Variants in SEPTIN5 observed in about 807,000 individuals in gnomAD.
The protein encoded by SEPTIN5 is septin 5, also known as septin-5.
In SEPTIN5, 16 loss-of-function variants were observed where a neutral mutation model predicts 51.2. The ratio of observed to expected loss-of-function variants is 0.31; its 90% confidence interval spans 0.21 to 0.47. The LOEUF is 0.47. Ranked by LOEUF, SEPTIN5 falls within the 20% of genes least tolerant of loss-of-function variation. The pLI, the probability that SEPTIN5 is intolerant of heterozygous loss-of-function variation, is 0.99. For synonymous variants in SEPTIN5, 208 were observed against 191.2 expected (o/e 1.09, Z -0.72); for missense variants, 376 against 500.3 (o/e 0.75, Z 2.37).
At chr22:19,717,700 C>T in intron 2 of SEPTIN5, 1 of 264,824 alleles carries the variant, frequency 3.8e-6, no homozygotes, top group Non-Finnish European at 7.5e-6. Context: ...GACAGGCAGG[C>T]TGGACTTCAG....
intron 8 of SEPTIN5, 21 bp from the exon 9 acceptor site, chr22:19,721,619 C>T (rs763474855): frequency 1.2e-6 from 2 of 1,612,160 alleles, no homozygotes; most frequent in African/African-American, 2.7e-5. Context: ...GGGTGTGAGC[C>T]TTTCTCCCTC....
intron 7 of SEPTIN5, 42 bp from the exon 8 acceptor site, chr22:19,720,726 A>G: frequency 6.2e-7 from 1 of 1,611,408 alleles, no homozygotes; most frequent in Non-Finnish European, 8.5e-7. Flanking sequence ...TACCAGGGGG[A>G]CTTGTCTGGC....
intron 11 of SEPTIN5, 37 bp downstream of exon 11, chr22:19,722,376 A>C (rs749553229): frequency 3.1e-6 from 5 of 1,595,464 alleles, no homozygotes; most frequent in Non-Finnish European, 4.3e-6. Flanking sequence ...GGCGGGCGTC[A>C]GGGATGCTCC....
Position 19,719,795 on chromosome 22 carries a change from C to T in SEPTIN5, c.152-11C>T. ...GACCTAACGCAGCTCCTTCTCTGTACCTGTGTGCAGGTGAGTCAGGCCTGG... is the reference window on the plus strand; with the variant it reads ...GACCTAACGCAGCTCCTTCTCTGTATCTGTGTGCAGGTGAGTCAGGCCTGG... On this transcript the variant is annotated splice_polypyrimidine_tract_variant and intron_variant, in intron 3 of 11. Transcript: ENST00000455784. 1 of 1,612,900 alleles carries T rather than the reference C, an allele frequency of 6.2e-7. No homozygotes were observed. Among genetic ancestry groups the T allele is most frequent in the East Asian group, 2.2e-5 (1 of 44,890 alleles).
intron 2 of SEPTIN5, chr22:19,717,114 G>A (rs1232562701): frequency 2.9e-6 from 1 of 341,696 alleles, no homozygotes; most frequent in Non-Finnish European, 5.7e-6. Context: ...CCCACAACAG[G>A]ACCAGGGCCT....
chr22:19,720,710 T>C, intron 7 of SEPTIN5, 44 bp downstream of exon 7: 1 of 1,612,028 alleles, frequency 6.2e-7, no homozygotes, highest in Non-Finnish European at 8.5e-7. Flanking sequence ...GCCCTGGGGC[T>C]GAGAGTACCA....
chr22:19,720,730 G>T, intron 7 of SEPTIN5, 38 bp from the exon 8 acceptor site: 3 of 1,612,342 alleles, frequency 1.9e-6, no homozygotes, highest in Non-Finnish European at 2.5e-6. Context: ...AGGGGGACTT[G>T]TCTGGCCTCA....
At chr22:19,719,384 G>A in intron 2 of SEPTIN5, 1 of 556,124 alleles carries the variant, frequency 1.8e-6, no homozygotes, top group Non-Finnish European at 3.2e-6. Flanking sequence ...AGCCCTCCCT[G>A]GGATTGGGGC....
At chr22:19,721,770 G>A (rs1211514672) in intron 9 of SEPTIN5, 34 bp downstream of exon 9, 1 of 1,600,948 alleles carries the variant, frequency 6.2e-7, no homozygotes, top group East Asian at 2.2e-5. Flanking sequence ...GGTCTGGTGG[G>A]GGAAGGCTGT....
chr22:19,722,154 G>A, intron 10 of SEPTIN5, 83 bp from the exon 11 acceptor site: 1 of 1,228,478 alleles, frequency 8.1e-7, no homozygotes, highest in South Asian at 1.5e-5. Flanking sequence ...CTCAGCAGTG[G>A]CGGGGATGGG....
Position 19,720,107 on chromosome 22 carries a change from C to A in SEPTIN5, c.239-8C>A. 1 of 1,612,974 alleles carries A rather than the reference C, an allele frequency of 6.2e-7. No homozygotes were observed. The highest frequency in any genetic ancestry group is 1.3e-5 in the African/African-American group (1 of 75,058). ...GGAGAGGCCCTTCCAGTGGCCCCTT[C>A]CCCGTAGAGCGCATCAGCCAGACGG... On this transcript the variant is annotated splice_region_variant and splice_polypyrimidine_tract_variant and intron_variant, in intron 4 of 11. Coordinates refer to ENST00000455784, the MANE Select transcript of SEPTIN5 (RefSeq NM_002688.6).
chr22:19,722,205 G>GCC, intron 10 of SEPTIN5, 32 bp from the exon 11 acceptor site: 1 of 1,390,378 alleles, frequency 7.2e-7, no homozygotes, highest in Non-Finnish European at 9.8e-7. Flanking sequence ...CGGTGGCGCC[G>GCC]CCCCGCCCAT....
chr22:19,720,539 C>G lies in SEPTIN5; in HGVS notation c.498-10C>G. Reference sequence around the variant, plus strand: ...CTGTGCCTATGCCCACCCTTGGCTGCTCTCGGCAGGCTGCGGCCAGTGGAT... The same window carrying G: ...CTGTGCCTATGCCCACCCTTGGCTGGTCTCGGCAGGCTGCGGCCAGTGGAT... On this transcript the variant is annotated splice_polypyrimidine_tract_variant and intron_variant, in intron 6 of 11. Coordinates refer to ENST00000455784, the MANE Select transcript of SEPTIN5 (RefSeq NM_002688.6). The G allele has an allele frequency of 6.2e-7, 1 of 1,613,300 alleles. No individual in the cohort carries two copies. Among genetic ancestry groups the G allele is most frequent in the Non-Finnish European group, 8.5e-7 (1 of 1,180,020 alleles).
Position 19,714,513 on chromosome 22 carries a change from C to CCGGCCT in SEPTIN5, c.-68_-63dup, listed in dbSNP as rs1157828414. 3.5e-4 allele frequency: 373 copies of CCGGCCT among 1,059,120 alleles called. 1 individual carries two copies. In the African/African-American group the frequency reaches 5.8e-3, roughly 16 times the overall value. The allele number at this position is 1,059,120 out of a possible 1,614,324, so 65.6% of individuals were successfully genotyped here. ...GCGGAGGGGCCGCTCACCCCGCAGCCCGGCCTCGGCCTCCGCCGCTTGTCG... is the reference window on the plus strand; with the variant it reads ...GCGGAGGGGCCGCTCACCCCGCAGCCCGGCCTCGGCCTCGGCCTCCGCCGCTTGTCG... On this transcript the variant is annotated 5_prime_UTR_variant, in exon 1 of 12. Transcript: ENST00000455784. This position sits in a 1 kb window ranked among gnomAD's most constrained non-coding sequence, Gnocchi z 5.2.
rs200360342 is a variant in SEPTIN5, at chr22:19,717,924, GCGCA to G, written c.55-1659_55-1656del. ...CGCACGGACGCGCACACACAAACGC[GCGCA>G]CGCACGCACGCACGCACGGGGGAGG... On this transcript the variant is annotated intron_variant, in intron 2 of 11. Coordinates refer to ENST00000455784, the MANE Select transcript of SEPTIN5 (RefSeq NM_002688.6). The G allele has an allele frequency of 1.1e-3, 173 of 156,166 alleles. 1 individual carries two copies. The highest frequency in any genetic ancestry group is 2.6e-3 in the South Asian group (15 of 5,720). 9.7% of individuals were successfully genotyped at this position (156,166 alleles called of 1,614,324 possible).
chr22:19,716,493 C>A (rs937323920), intron 2 of SEPTIN5, among the ~76,000 whole-genome samples: 3 of 152,212 alleles, frequency 2.0e-5, no homozygotes, highest in Non-Finnish European at 4.4e-5. Context: ...CAGAGAGGCT[C>A]AGGCATTGGG....
At chr22:19,715,441 T>G (rs1321269408) in intron 2 of SEPTIN5, among the ~76,000 whole-genome samples, 5 of 150,598 alleles carry the variant, frequency 3.3e-5, no homozygotes, top group African/African-American at 1.2e-4. Flanking sequence ...GACAGGAGGC[T>G]GGTCTAGGCA....
At chr22:19,717,321 T>A (rs1409204701) in intron 2 of SEPTIN5, 2 of 470,652 alleles carry the variant, frequency 4.2e-6, no homozygotes, top group Non-Finnish European at 8.8e-6. Flanking sequence ...TCTACTGGGG[T>A]CATGGAGGTG....
chr22:19,714,786 A>C lies in SEPTIN5; in HGVS notation c.49A>C (p.Lys17Gln), dbSNP rs1421258739. ...CCCCGACCCCGACCCCGCAGAGGAC[A>C]AGCAGGTACGTGCGCAGCGCCGCTC... Reference protein sequence around the residue: ...YKSKLATPEDKQDIDKQYVGF... With the variant: ...YKSKLATPEDQQDIDKQYVGF... The change falls in exon 2 of 12, where the codon AAG becomes CAG. Residue 17 changes from lysine to glutamine, a missense_variant. Transcript: ENST00000455784. The surrounding 1 kb of genome is among the most constrained non-coding windows in gnomAD (Gnocchi z 5.2). 6.4e-7 allele frequency: 1 copy of C among 1,574,162 alleles called. No individual in the cohort carries two copies. The highest frequency in any genetic ancestry group is 2.3e-5 in the East Asian group (1 of 42,906).
Sources: gnomAD v4.1 joint callset for allele counts (sites outside exome capture counted in the v4.1 genomes callset) on GRCh38, gnomAD v4.1.1 for gene constraint, Gnocchi (gnomAD v3.1) non-coding constraint, MANE v1.5 for transcripts, NCBI Gene and HGNC (gene_info 2026-07-23, HGNC 2026-07-21) for gene names.